The following GDA variants were observed in gnomAD, a reference collection of about 807,000 sequenced individuals.
GDA encodes cytoplasmic PSD-95 interactor.
GDA carries 18 observed loss-of-function variants against 59.6 expected under a neutral mutation model. That is an observed-to-expected ratio of 0.30 (90% CI 0.21 to 0.45). GDA has a LOEUF of 0.45. Among genes scored for constraint, GDA ranks in the 20% least tolerant of loss-of-function variants. GDA has a pLI of 1.00. For missense variants in GDA, 427 were observed against 552.3 expected, an observed-to-expected ratio of 0.77 and a Z score of 2.27; for synonymous variants, 201 against 201.1, an observed-to-expected ratio of 1.00 and a Z score of 0.00.
At chr9:72,151,598 T>G (rs1483276193) in intron 1 of GDA, among the ~76,000 whole-genome samples, 1 of 152,052 alleles carries the variant, frequency 6.6e-6, no homozygotes, top group Admixed American at 6.6e-5. Context: ...TAATTTTTTT[T>G]TTGGTTTTTT....
At chr9:72,143,128 ATTTT>A (rs534785979) in intron 1 of GDA, among the ~76,000 whole-genome samples, 1 of 125,274 alleles carries the variant, frequency 8.0e-6, no homozygotes, top group Non-Finnish European at 1.7e-5. Context: ...CAGGTCAAGA[ATTTT>A]TTTTTTTTTT....
intron 1 of GDA, among the ~76,000 whole-genome samples, chr9:72,180,081 G>A (rs1394135594): frequency 6.6e-5 from 10 of 151,972 alleles, no homozygotes; most frequent in African/African-American, 2.2e-4. Context: ...ATGGCCATCC[G>A]GGCGCGGTGG....
rs146131049 is a variant in GDA at position 72,248,306 on chromosome 9, C to T, written c.1329C>T (p.Gly443=). Residue 443 remains glycine, a synonymous_variant, in exon 14 of 14, where the codon GGC becomes GGT. Transcript: ENST00000358399. ...DDRNIEEVYV[G]GKQVVPFSSS... is the part of the protein sequence containing the mutation. ...GAAATATTGAAGAGGTTTATGTGGG[C>T]GGAAAGCAGGTGGTTCCGTTTTCCA... 2.4e-5 allele frequency: 38 copies of T among 1,612,776 alleles called. No homozygotes were observed. Among genetic ancestry groups the T allele is most frequent in the African/African-American group, 1.6e-4 (12 of 74,850 alleles).
chr9:72,229,382 CA>C (rs1838053457), intron 9 of GDA, among the ~76,000 whole-genome samples: 1 of 151,670 alleles, frequency 6.6e-6, no homozygotes, highest in South Asian at 2.1e-4. Flanking sequence ...AACAAACAAA[CA>C]AAACCTTCAG....
At chr9:72,136,645 C>T (rs1411245681) in intron 1 of GDA, among the ~76,000 whole-genome samples, 1 of 152,152 alleles carries the variant, frequency 6.6e-6, no homozygotes, top group East Asian at 1.9e-4. Context: ...CTAGCACAAA[C>T]AGTGACATTT....
chr9:72,121,979 A>G (rs1337850636), intron 1 of GDA, among the ~76,000 whole-genome samples: 2 of 152,158 alleles, frequency 1.3e-5, no homozygotes, highest in African/African-American at 2.4e-5. Context: ...CCTATTTTAT[A>G]AATCTCTGGG....
At chr9:72,130,972 G>A (rs1826005421) in intron 1 of GDA, among the ~76,000 whole-genome samples, 1 of 152,202 alleles carries the variant, frequency 6.6e-6, no homozygotes, top group African/African-American at 2.4e-5. Flanking sequence ...ACCCATGGAA[G>A]AGGATGCACT....
chr9:72,226,020 T>TGC (rs1456398978), intron 8 of GDA, among the ~76,000 whole-genome samples: 2 of 151,170 alleles, frequency 1.3e-5, no homozygotes, highest in African/African-American at 4.9e-5. Context: ...TGTGTGCGTG[T>TGC]GTGTGTGTGT....
intron 8 of GDA, 141 bp downstream of exon 8, chr9:72,225,925 C>A: frequency 5.6e-6 from 3 of 536,138 alleles, no homozygotes; most frequent in Non-Finnish European, 9.9e-6. Flanking sequence ...TTTGTGGGTA[C>A]ACAGAAAGTT....
At chr9:72,201,188 A>G (rs913024902) in intron 2 of GDA, among the ~76,000 whole-genome samples, 4 of 131,636 alleles carry the variant, frequency 3.0e-5, no homozygotes, top group Non-Finnish European at 6.7e-5. Flanking sequence ...ACTGAGTCAC[A>G]CAGAATTTTT....
upstream of GDA, among the ~76,000 whole-genome samples, chr9:72,146,576 T>C (rs138614628): frequency 6.6e-6 from 1 of 152,196 alleles, no homozygotes; most frequent in East Asian, 1.9e-4. Context: ...CTGCAATCTC[T>C]GCCTCCCGGG....
chr9:72,190,551 A>G (rs1832406839), intron 1 of GDA, among the ~76,000 whole-genome samples: 1 of 152,332 alleles, frequency 6.6e-6, no homozygotes, highest in South Asian at 2.1e-4. Flanking sequence ...GTCTTTGGCC[A>G]ACAGTAGGCT....
At chr9:72,128,611 T>C (rs1479380354) in intron 1 of GDA, among the ~76,000 whole-genome samples, 1 of 152,212 alleles carries the variant, frequency 6.6e-6, no homozygotes, top group Non-Finnish European at 1.5e-5. Flanking sequence ...AATGTCTGTG[T>C]AACTAGAGTG....
intron 9 of GDA, among the ~76,000 whole-genome samples, chr9:72,230,357 G>A (rs1168444500): frequency 6.6e-6 from 1 of 151,892 alleles, no homozygotes; most frequent in Non-Finnish European, 1.5e-5. Flanking sequence ...CATGCTGGCG[G>A]GCACCTGTAA....
At chr9:72,199,548 C>T (rs1833672160) in intron 2 of GDA, among the ~76,000 whole-genome samples, 1 of 152,166 alleles carries the variant, frequency 6.6e-6, no homozygotes, top group Non-Finnish European at 1.5e-5. Context: ...CTAACTTTCA[C>T]TACCAAATAT....
downstream of GDA, among the ~76,000 whole-genome samples, chr9:72,259,093 C>T (rs1031794938): frequency 6.7e-6 from 1 of 150,172 alleles, no homozygotes; most frequent in Admixed American, 6.6e-5. Context: ...GGTACGATCT[C>T]GGCTCACTGC....
intron 1 of GDA, among the ~76,000 whole-genome samples, chr9:72,194,862 G>C (rs556975937): frequency 3.3e-5 from 5 of 152,248 alleles, no homozygotes; most frequent in African/African-American, 9.6e-5. Flanking sequence ...TTCCCTCTGT[G>C]GGCAGACATC....
rs1825542438 is a variant in GDA, at chr9:72,118,353, G to A, written c.-100+3520G>A. Among the ~76,000 whole-genome samples the A allele has an allele frequency of 2.7e-5, 4 of 146,242 alleles. No homozygotes were observed. In the South Asian group the frequency reaches 6.6e-4, roughly 24 times the overall value. ...AATTAATTCCTTACGTCTTTCTTTAGAACCACTAAATACCTTGATAATTTA... is the reference window on the plus strand; with the variant it reads ...AATTAATTCCTTACGTCTTTCTTTAAAACCACTAAATACCTTGATAATTTA... On this transcript the variant is annotated intron_variant, in intron 1 of 13. Transcript: ENST00000545168.
intron 1 of GDA, among the ~76,000 whole-genome samples, chr9:72,170,850 C>A (rs1829879392): frequency 6.6e-6 from 1 of 152,078 alleles, no homozygotes; most frequent in African/African-American, 2.4e-5. Context: ...GGCCCTCGCT[C>A]TGTCACCTTG....
Sources: gnomAD v4.1 joint callset for allele counts (sites outside exome capture counted in the v4.1 genomes callset) on GRCh38, gnomAD v4.1.1 for gene constraint, MANE v1.5 for transcripts, NCBI Gene and HGNC (gene_info 2026-07-23, HGNC 2026-07-21) for gene names.